Variants in SYT2 observed in about 807,000 individuals in gnomAD.
The protein encoded by SYT2 is synaptotagmin-2.
A neutral mutation model predicts 39.9 loss-of-function variants in SYT2; 15 were observed. The observed-to-expected ratio is 0.38, with a 90% CI of 0.25 to 0.58. SYT2 has a LOEUF of 0.58. Ranked by LOEUF, SYT2 falls within the 20% of genes least tolerant of loss-of-function variation. The pLI, the probability that SYT2 is intolerant of heterozygous loss-of-function variation, is 0.70. For missense variants in SYT2, 389 were observed against 530.3 expected (o/e 0.73, Z 2.62); for synonymous variants, 181 against 204.5 (o/e 0.89, Z 0.98).
chr1:202,617,448 T>C (rs1328714380), intron 1 of SYT2, among the ~76,000 whole-genome samples: 1 of 152,074 alleles, frequency 6.6e-6, no homozygotes, highest in Non-Finnish European at 1.5e-5. Context: ...CCCCCCATGA[T>C]TGTAAGTTTC....
intron 1 of SYT2, among the ~76,000 whole-genome samples, chr1:202,688,339 T>C (rs1338473041): frequency 2.0e-5 from 3 of 152,200 alleles, no homozygotes; most frequent in Non-Finnish European, 4.4e-5. Context: ...TCCTTAGCAG[T>C]GATGGCCCTG....
At chr1:202,622,584 CAG>C (rs1691233624) in intron 1 of SYT2, among the ~76,000 whole-genome samples, 1 of 151,928 alleles carries the variant, frequency 6.6e-6, no homozygotes, top group Non-Finnish European at 1.5e-5. Context: ...ATGGGCGCCT[CAG>C]AATCCAATGG....
chr1:202,687,395 C>A (rs1022680286), intron 1 of SYT2, among the ~76,000 whole-genome samples: 1 of 152,212 alleles, frequency 6.6e-6, no homozygotes, highest in Non-Finnish European at 1.5e-5. Context: ...GTTACTCTCA[C>A]TCTCTATCAT....
At chr1:202,638,797 G>A (rs1423263370) in intron 1 of SYT2, among the ~76,000 whole-genome samples, 3 of 152,022 alleles carry the variant, frequency 2.0e-5, no homozygotes, top group East Asian at 1.9e-4. Flanking sequence ...CTTATTCCCC[G>A]TCCTTTGCCC....
chr1:202,698,117 C>CCA (rs1553344143), intron 1 of SYT2, among the ~76,000 whole-genome samples: 3 of 152,044 alleles, frequency 2.0e-5, no homozygotes, highest in East Asian at 1.9e-4. Flanking sequence ...TCACCACCCC[C>CCA]CCAAGGAAAG....
At chr1:202,645,561 C>G (rs1692063489) in intron 1 of SYT2, among the ~76,000 whole-genome samples, 1 of 152,190 alleles carries the variant, frequency 6.6e-6, no homozygotes, top group South Asian at 2.1e-4. Flanking sequence ...TGAAATGACC[C>G]CCATGGTTCC....
chr1:202,627,340 G>A, intron 1 of SYT2: 1 of 561,758 alleles, frequency 1.8e-6, no homozygotes, highest in Non-Finnish European at 2.3e-6. Context: ...GAGCCTGATA[G>A]CAGGAAATGG....
intron 1 of SYT2, among the ~76,000 whole-genome samples, chr1:202,609,557 T>G (rs1282359883): frequency 6.6e-6 from 1 of 152,216 alleles, no homozygotes; most frequent in Non-Finnish European, 1.5e-5. Flanking sequence ...ACCTGTTGTT[T>G]CCTGACTTTT....
At chr1:202,609,122 G>T (rs1690805041) in intron 1 of SYT2, among the ~76,000 whole-genome samples, 1 of 144,770 alleles carries the variant, frequency 6.9e-6, no homozygotes, top group Non-Finnish European at 1.5e-5. Flanking sequence ...GTGAGAACAT[G>T]CGGTGTTTGG....
intron 1 of SYT2, among the ~76,000 whole-genome samples, chr1:202,621,013 G>A (rs1691189698): frequency 6.6e-6 from 1 of 152,166 alleles, no homozygotes; most frequent in Non-Finnish European, 1.5e-5. Flanking sequence ...GTGTAAAAGG[G>A]TAGGGGAGAA....
intron 7 of SYT2, 75 bp downstream of exon 7, chr1:202,600,282 G>A: frequency 8.2e-7 from 1 of 1,215,006 alleles, no homozygotes. Context: ...CTTCACTGGA[G>A]TGTGCAAACT....
In SYT2 at chr1:202,602,027, G is replaced by T. The variant is rs1485923333; in HGVS notation, c.664C>A (p.Leu222Met). 1.2e-6 allele frequency: 2 copies of T among 1,614,060 alleles called. No homozygotes were observed. The highest frequency in any genetic ancestry group is 1.7e-6 in the Non-Finnish European group (2 of 1,180,042). ...VPYQELGGKT[L>M]VMAIYDFDRF... ...TCAAAGTCATAGATGGCCATCACCAGAGTTTTGCCCCCAAGCTCCTGGTAT... is the reference window on the plus strand; with the variant it reads ...TCAAAGTCATAGATGGCCATCACCATAGTTTTGCCCCCAAGCTCCTGGTAT... Residue 222 changes from leucine to methionine, a missense_variant, in exon 6 of 9, where the codon CTG becomes ATG. This residue lies in a region of SYT2 where 280 missense variants were observed against 335.6 expected (regional missense o/e 0.83). Coordinates refer to ENST00000367268, the MANE Select transcript of SYT2 (RefSeq NM_177402.5).
chr1:202,634,955 C>T (rs1347104880), intron 1 of SYT2, among the ~76,000 whole-genome samples: 5 of 152,058 alleles, frequency 3.3e-5, no homozygotes, highest in Non-Finnish European at 7.3e-5. Context: ...GAAATTAGAT[C>T]GTGGTATGGT....
At chr1:202,625,603 C>T (rs1447542165) in intron 1 of SYT2, among the ~76,000 whole-genome samples, 1 of 151,962 alleles carries the variant, frequency 6.6e-6, no homozygotes, top group Non-Finnish European at 1.5e-5. Context: ...CTAGCGGTGC[C>T]CCCTGCTGTC....
chr1:202,604,419 C>G, intron 3 of SYT2, 36 bp downstream of exon 3: 1 of 1,604,206 alleles, frequency 6.2e-7, no homozygotes, highest in Non-Finnish European at 8.5e-7. Flanking sequence ...CTGGGCTGAG[C>G]CCCTTCCAGT....
rs994858864 is a variant in SYT2, at chr1:202,601,249, G to A, written c.801+641C>T. ...AGACTGACGACATCACACAGGTCCT[G>A]GTTCAGGTGTGCTGGCCTTCCTCCC... On this transcript the variant is annotated intron_variant, in intron 6 of 8. Transcript: ENST00000367268. The surrounding 1 kb of genome is among the most constrained non-coding windows in gnomAD (Gnocchi z 4.0). 1.3e-5 allele frequency among the ~76,000 whole-genome samples: 2 copies of A among 152,170 alleles called. No homozygotes were observed. Among genetic ancestry groups the A allele is most frequent in the African/African-American group, 4.8e-5 (2 of 41,430 alleles).
At position 202,599,444 on chromosome 1, in the gene SYT2, G is replaced by A; in HGVS notation, c.920-93C>T. ...AAGGCCTGCCCAGAGCATCGGTCAA[G>A]AGGGGGTCTTCACTCCGCTGAGACC... is the stretch of plus-strand genomic sequence containing the variant. On this transcript the variant is annotated intron_variant, in intron 7 of 8. Coordinates refer to ENST00000367268, the MANE Select transcript of SYT2 (RefSeq NM_177402.5). This position sits in a 1 kb window ranked among gnomAD's most constrained non-coding sequence, Gnocchi z 4.4. 5 of 1,407,900 alleles carry A rather than the reference G, an allele frequency of 3.6e-6. No homozygotes were observed. In the Admixed American group the frequency reaches 1.3e-4, roughly 35 times the overall value. 87.2% of individuals were successfully genotyped at this position (1,407,900 alleles called of 1,614,324 possible).
At chr1:202,704,265 T>C (rs1430611605) in intron 1 of SYT2, among the ~76,000 whole-genome samples, 2 of 152,132 alleles carry the variant, frequency 1.3e-5, no homozygotes, top group African/African-American at 4.8e-5. Flanking sequence ...GAACTCCACT[T>C]TGGGGGCTAG....
intron 1 of SYT2, chr1:202,633,023 G>A (rs1215849860): frequency 6.6e-6 from 1 of 152,274 alleles, no homozygotes; most frequent in African/African-American, 2.4e-5. Flanking sequence ...ACTAAAGGGA[G>A]GGCCAAGGAA....
Sources: gnomAD v4.1 joint callset for allele counts (sites outside exome capture counted in the v4.1 genomes callset) on GRCh38, gnomAD v4.1.1 for gene constraint, gnomAD v4.1.1 regional missense constraint, Gnocchi (gnomAD v3.1) non-coding constraint, MANE v1.5 for transcripts, NCBI Gene and HGNC (gene_info 2026-07-23, HGNC 2026-07-21) for gene names.